EYS: variants seen among roughly 807,000 people sequenced by gnomAD.
EYS encodes the protein protein eyes shut homolog.
A neutral mutation model predicts 282.1 loss-of-function variants in EYS; 250 were observed. That is an observed-to-expected ratio of 0.89 (90% CI 0.80 to 0.98). EYS has a LOEUF of 0.98. Among genes scored for constraint, EYS ranks in the 50% least tolerant of loss-of-function variants. EYS has a pLI of 0.00. For synonymous variants in EYS, 1,355 were observed against 1,282.9 expected (o/e 1.06, Z -1.20); for missense variants, 4,016 against 3,709.0 (o/e 1.08, Z -2.15).
At chr6:64,497,430 A>T (rs1294215679) in intron 26 of EYS, among the ~76,000 whole-genome samples, 2 of 152,202 alleles carry the variant, frequency 1.3e-5, no homozygotes, top group African/African-American at 4.8e-5. Context: ...TTCATAATGC[A>T]TTCCAGGCAA....
chr6:64,959,378 C>T (rs1006279834), intron 14 of EYS, among the ~76,000 whole-genome samples: 3 of 152,144 alleles, frequency 2.0e-5, no homozygotes, highest in Admixed American at 1.3e-4. Flanking sequence ...ATATCAGAAG[C>T]ATAAGTGTTT....
intron 19 of EYS, among the ~76,000 whole-genome samples, chr6:64,883,499 C>T (rs1165143095): frequency 2.1e-5 from 3 of 146,044 alleles, no homozygotes; most frequent in Non-Finnish European, 3.0e-5. Flanking sequence ...CATGTAATCA[C>T]ATTTAAAGTC....
chr6:63,745,473 A>G (rs1179049084), intron 41 of EYS, among the ~76,000 whole-genome samples: 1 of 152,212 alleles, frequency 6.6e-6, no homozygotes, highest in East Asian at 1.9e-4. Flanking sequence ...TTCAGTTGCA[A>G]CAACTGAAGT....
At chr6:65,134,823 C>A (rs982033821) in intron 12 of EYS, among the ~76,000 whole-genome samples, 2 of 151,844 alleles carry the variant, frequency 1.3e-5, no homozygotes, top group Non-Finnish European at 1.5e-5. Flanking sequence ...CATTGTGGGG[C>A]CAGAGTACCC....
intron 22 of EYS, among the ~76,000 whole-genome samples, chr6:64,668,490 T>C (rs1410724788): frequency 6.6e-6 from 1 of 152,030 alleles, no homozygotes; most frequent in Non-Finnish European, 1.5e-5. Context: ...TAGTGTCTTA[T>C]TTCCCTATTT....
At chr6:64,230,394 T>C (rs1457526422) in intron 31 of EYS, among the ~76,000 whole-genome samples, 198 bp downstream of exon 31, 2 of 152,242 alleles carry the variant, frequency 1.3e-5, no homozygotes, top group African/African-American at 4.8e-5. Flanking sequence ...GCATTCCTAA[T>C]GCAGAAAACA....
chr6:64,622,546 T>A (rs1265041627), intron 23 of EYS, among the ~76,000 whole-genome samples: 1 of 152,130 alleles, frequency 6.6e-6, no homozygotes, highest in African/African-American at 2.4e-5. Context: ...CACACAGCTC[T>A]GTTTGTACTA....
intron 40 of EYS, among the ~76,000 whole-genome samples, chr6:63,769,154 G>T (rs1484306317): frequency 2.0e-5 from 3 of 151,914 alleles, no homozygotes; most frequent in Non-Finnish European, 2.9e-5. Context: ...GGAATTATTT[G>T]TACACCAAAC....
At chr6:63,723,106 G>T (rs530374559) in intron 42 of EYS, among the ~76,000 whole-genome samples, 1 of 152,292 alleles carries the variant, frequency 6.6e-6, no homozygotes, top group South Asian at 2.1e-4. Flanking sequence ...GTTGTGGGTT[G>T]AGATGACTCA....
At chr6:64,635,237 G>C (rs1458849628) in intron 22 of EYS, among the ~76,000 whole-genome samples, 1 of 152,140 alleles carries the variant, frequency 6.6e-6, no homozygotes, top group Admixed American at 6.6e-5. Context: ...AGACGATGGG[G>C]TTTTCCAGAT....
At chr6:64,284,270 C>A (rs1201928283) in intron 30 of EYS, among the ~76,000 whole-genome samples, 2 of 152,120 alleles carry the variant, frequency 1.3e-5, no homozygotes, top group Non-Finnish European at 2.9e-5. Flanking sequence ...TTGGCTAAAA[C>A]AAATGGGTTA....
intron 30 of EYS, among the ~76,000 whole-genome samples, chr6:64,232,293 C>T (rs575577598): frequency 6.6e-6 from 1 of 152,174 alleles, no homozygotes; most frequent in South Asian, 2.1e-4. Flanking sequence ...CCTAACGATG[C>T]TTGATCTCTA....
At chr6:64,274,740 T>C (rs1032700449) in intron 30 of EYS, among the ~76,000 whole-genome samples, 1 of 152,094 alleles carries the variant, frequency 6.6e-6, no homozygotes, top group Non-Finnish European at 1.5e-5. Context: ...TTTGTTATGT[T>C]TGAGTTGTCT....
At chr6:64,108,093 C>T (rs1190877435) in intron 31 of EYS, among the ~76,000 whole-genome samples, 2 of 152,100 alleles carry the variant, frequency 1.3e-5, no homozygotes, top group East Asian at 3.9e-4. Flanking sequence ...CTTTGCTTTT[C>T]CTCTTGCTGG....
rs767128062 is a variant in EYS, at chr6:64,877,102, TG to T, written c.2992+9594del. Among the ~76,000 whole-genome samples, 58 of 152,118 alleles carry T rather than the reference TG, an allele frequency of 3.8e-4. 1 individual carries two copies. Among genetic ancestry groups the T allele is most frequent in the Middle Eastern group, 3.4e-3 (1 of 294 alleles). ...ATCATTGCAATATAGGTTGTGAAAG[TG>T]GTTGAATTAAAATGTATTTTGAAGA... On this transcript the variant is annotated intron_variant, in intron 19 of 42. Coordinates refer to ENST00000503581, the MANE Select transcript of EYS (RefSeq NM_001142800.2).
chr6:65,240,359 G>T (rs1052208417), intron 12 of EYS, among the ~76,000 whole-genome samples: 2 of 151,996 alleles, frequency 1.3e-5, no homozygotes, highest in Non-Finnish European at 2.9e-5. Flanking sequence ...GACATTTCAG[G>T]TATGAATGAT....
At chr6:64,307,968 T>A (rs965069838) in intron 29 of EYS, among the ~76,000 whole-genome samples, 1 of 152,012 alleles carries the variant, frequency 6.6e-6, no homozygotes, top group Non-Finnish European at 1.5e-5. Context: ...TCACTAATAC[T>A]TAAAGAAAAA....
intron 11 of EYS, chr6:65,331,784 T>G (rs1283551019): frequency 5.4e-6 from 5 of 918,584 alleles, no homozygotes; most frequent in Non-Finnish European, 6.5e-6. Flanking sequence ...CTACTTTTCC[T>G]TATCAAAATG....
chr6:64,704,964 G>A (rs551296926), intron 22 of EYS, among the ~76,000 whole-genome samples: 88 of 152,080 alleles, frequency 5.8e-4, no homozygotes, highest in Non-Finnish European at 1.1e-3. Context: ...CATAGTACTG[G>A]AAGTCCTAGC....
Sources: gnomAD v4.1 joint callset for allele counts (sites outside exome capture counted in the v4.1 genomes callset) on GRCh38, gnomAD v4.1.1 for gene constraint, MANE v1.5 for transcripts, NCBI Gene and HGNC (gene_info 2026-07-23, HGNC 2026-07-21) for gene names.